ALLC: variants seen among roughly 807,000 people sequenced by gnomAD.
ALLC encodes allantoicase.
A neutral mutation model predicts 45.0 loss-of-function variants in ALLC; 40 were observed. The ratio of observed to expected loss-of-function variants is 0.89; its 90% CI spans 0.69 to 1.16. ALLC has a LOEUF of 1.16. Ranked by LOEUF, ALLC falls within the 50% of genes most tolerant of loss-of-function variation. The pLI is 0.00. For missense variants in ALLC, 488 were observed against 493.1 expected (o/e 0.99, Z 0.10); for synonymous variants, 176 against 178.1 (o/e 0.99, Z 0.09).
intron 6 of ALLC, among the ~76,000 whole-genome samples, chr2:3,682,625 A>T (rs988159107): frequency 5.9e-5 from 9 of 152,182 alleles, no homozygotes; most frequent in South Asian, 2.1e-4. Context: ...TCCCAGGTTC[A>T]CGCCATTCTC....
the ALLC span, among the ~76,000 whole-genome samples, chr2:3,647,913 C>T: frequency 6.6e-6 from 1 of 152,226 alleles, no homozygotes; most frequent in Admixed American, 6.5e-5. Context: ...AGGGGAGAAA[C>T]AGACCTGGAG....
At chr2:3,677,440 A>T (rs998416650) in intron 3 of ALLC, among the ~76,000 whole-genome samples, 1 of 152,252 alleles carries the variant, frequency 6.6e-6, no homozygotes, top group African/African-American at 2.4e-5. Context: ...ATTTGATTGT[A>T]ATAACATTCA....
the ALLC span, among the ~76,000 whole-genome samples, chr2:3,646,931 G>A: frequency 9.9e-6 from 1 of 100,736 alleles, no homozygotes; most frequent in Non-Finnish European, 2.4e-5. Context: ...GGCTGTGTGT[G>A]GGGAGGGTTG....
chr2:3,697,061 G>A (rs748854537), intron 9 of ALLC, among the ~76,000 whole-genome samples: 2 of 152,190 alleles, frequency 1.3e-5, no homozygotes, highest in Admixed American at 6.5e-5. Context: ...TGGAATAGAC[G>A]AAGATTGCTG....
upstream of ALLC, among the ~76,000 whole-genome samples, chr2:3,655,283 A>G (rs930866231): frequency 6.6e-6 from 1 of 152,252 alleles, no homozygotes; most frequent in Non-Finnish European, 1.5e-5. Flanking sequence ...GAAGTGAGCC[A>G]CTGGGCTCCA....
At chr2:3,678,726 G>T (rs1466888065) in intron 4 of ALLC, among the ~76,000 whole-genome samples, 171 bp downstream of exon 4, 6 of 152,238 alleles carry the variant, frequency 3.9e-5, no homozygotes, top group Non-Finnish European at 8.8e-5. Flanking sequence ...GGAAGGGGCA[G>T]CGTGAGCCCG....
At chr2:3,701,281 C>T (rs993861446) in intron 10 of ALLC, among the ~76,000 whole-genome samples, 2 of 152,140 alleles carry the variant, frequency 1.3e-5, no homozygotes, top group African/African-American at 2.4e-5. Context: ...TCACATATGG[C>T]GGACTGCTTC....
chr2:3,651,980 C>G, the ALLC span, among the ~76,000 whole-genome samples: 1 of 152,222 alleles, frequency 6.6e-6, no homozygotes, highest in African/African-American at 2.4e-5. Flanking sequence ...AGACGCAACC[C>G]GGCTCAGCTC....
chr2:3,651,297 T>TGGGGGGG, the ALLC span, among the ~76,000 whole-genome samples: 6 of 1,714 alleles, frequency 3.5e-3, 1 homozygote, highest in Admixed American at 4.9e-3. Flanking sequence ...GAATTCTTTT[T>TGGGGGGG]GGGTGGGTGG....
chr2:3,676,243 A>G (rs906271493), intron 3 of ALLC, among the ~76,000 whole-genome samples: 4 of 152,116 alleles, frequency 2.6e-5, no homozygotes, highest in African/African-American at 9.7e-5. Flanking sequence ...CTAAATTTAT[A>G]TACATATTTT....
intron 2 of ALLC, among the ~76,000 whole-genome samples, chr2:3,671,558 C>T (rs1025735789): frequency 5.3e-5 from 8 of 150,536 alleles, no homozygotes; most frequent in African/African-American, 2.0e-4. Flanking sequence ...GATAGGAGGT[C>T]CTCTGGCTCT....
At chr2:3,686,551 T>C (rs934850264) in intron 7 of ALLC, among the ~76,000 whole-genome samples, 6 of 151,124 alleles carry the variant, frequency 4.0e-5, no homozygotes, top group Admixed American at 2.6e-4. Context: ...TTTAACAATA[T>C]TAATTCTTTC....
the ALLC span, among the ~76,000 whole-genome samples, chr2:3,651,429 G>GCA: frequency 1.2e-4 from 7 of 59,914 alleles, 2 homozygotes; most frequent in African/African-American, 2.0e-4. Flanking sequence ...GTGTGTGTGT[G>GCA]TGTGTGTGTG....
rs191925342 is a variant in ALLC at position 3,677,405 on chromosome 2, G to C, written c.85-1063G>C. Among the ~76,000 whole-genome samples, 108 of 152,332 alleles carry C rather than the reference G, an allele frequency of 7.1e-4. 1 individual carries two copies. Among genetic ancestry groups the C allele is most frequent in the Admixed American group, 7.1e-3 (108 of 15,306 alleles). ...TTCCTGATGAGTAATGGAAAGGCTG[G>C]AGTGTGTGCTGTCTTTAAGATGTGA... On this transcript the variant is annotated intron_variant, in intron 3 of 11. Transcript: ENST00000252505.
chr2:3,652,067 G>A, the ALLC span, among the ~76,000 whole-genome samples: 1 of 152,224 alleles, frequency 6.6e-6, no homozygotes, highest in African/African-American at 2.4e-5. Flanking sequence ...TAAGCACAAA[G>A]GGAATTTGTT....
chr2:3,679,667 C>T (rs936006286), intron 4 of ALLC, among the ~76,000 whole-genome samples: 2 of 152,164 alleles, frequency 1.3e-5, no homozygotes, highest in African/African-American at 2.4e-5. Context: ...TGAGGATTTT[C>T]GTTGGGGAAT....
rs1315704179 is a variant in ALLC at position 3,702,667 on chromosome 2, A to C, written c.*104A>C. The C allele has an allele frequency of 4.8e-6, 6 of 1,254,398 alleles. No individual in the cohort carries two copies. In the South Asian group the frequency reaches 5.0e-5, roughly 10 times the overall value. 77.7% of individuals were successfully genotyped at this position (1,254,398 alleles called of 1,614,324 possible). On this transcript the variant is annotated 3_prime_UTR_variant, in exon 12 of 12. Transcript: ENST00000252505. Reference sequence around the variant, plus strand: ...GGTGATTTAATAAAGTGGTCGTCTCACAAATTGATCTCTGTATTTAATGTT... The same window carrying C: ...GGTGATTTAATAAAGTGGTCGTCTCCCAAATTGATCTCTGTATTTAATGTT...
At chr2:3,682,867 TGCC>T in intron 6 of ALLC, 72 bp from the exon 7 acceptor site, 1 of 1,488,414 alleles carries the variant, frequency 6.7e-7, no homozygotes, top group Non-Finnish European at 9.2e-7. Flanking sequence ...ACACCTTAAG[TGCC>T]ACAGAGGCAA....
chr2:3,672,412 TGGTCCTCTGGCTCTGGTTAGATGGGA>T (rs1666906777), intron 2 of ALLC, among the ~76,000 whole-genome samples: 2 of 93,594 alleles, frequency 2.1e-5, no homozygotes, highest in African/African-American at 4.4e-5. Flanking sequence ...GTTAGACCTG[TGGTCCTCTGGCTCTGGTTAGATGGGA>T]GGTCCTCTGG....
Sources: allele counts gnomAD v4.1 joint callset (sites outside exome capture counted in the v4.1 genomes callset), GRCh38; gene constraint gnomAD v4.1.1; transcripts MANE v1.5; gene names NCBI Gene and HGNC (gene_info 2026-07-23, HGNC 2026-07-21).